HTR4: variants seen among roughly 807,000 people sequenced by gnomAD.
HTR4 encodes 5-hydroxytryptamine receptor 4, also known as 5-hydroxytryptamine (serotonin) receptor 4, G protein-coupled.
HTR4 carries 16 observed loss-of-function variants against 36.8 expected under a neutral mutation model. The ratio of observed to expected loss-of-function variants is 0.43; its 90% CI spans 0.29 to 0.66. The LOEUF (loss-of-function observed/expected upper bound fraction) is 0.66, where lower values mean the gene tolerates loss of function less well. Ranked by LOEUF, HTR4 falls within the 30% of genes least tolerant of loss-of-function variation. The probability of loss-of-function intolerance (pLI) is 0.13; values close to 1 mark genes in which losing one functional copy is unlikely to be tolerated. For synonymous variants in HTR4, 189 were observed against 185.1 expected, an observed-to-expected ratio of 1.02 and a Z score of -0.17; for missense variants, 438 against 490.9, an observed-to-expected ratio of 0.89 and a Z score of 1.02.
intron 2 of HTR4, among the ~76,000 whole-genome samples, chr5:148,614,849 C>T (rs1184374214): frequency 2.0e-5 from 3 of 152,122 alleles, no homozygotes; most frequent in Non-Finnish European, 4.4e-5. Context: ...AAGCAAACAA[C>T]CCCATCAAAA....
chr5:148,507,146 A>T (rs927439393), intron 6 of HTR4, among the ~76,000 whole-genome samples: 17 of 152,000 alleles, frequency 1.1e-4, no homozygotes, highest in African/African-American at 4.1e-4. Flanking sequence ...AATGATAGAC[A>T]GGATTAAGAA....
chr5:148,553,885 C>T (rs528690689), intron 2 of HTR4, among the ~76,000 whole-genome samples: 11 of 152,046 alleles, frequency 7.2e-5, no homozygotes, highest in East Asian at 3.9e-4. Context: ...GGGGTACACC[C>T]GAAAGAATTG....
intron 2 of HTR4, among the ~76,000 whole-genome samples, chr5:148,583,786 C>G (rs1256382203): frequency 6.6e-6 from 1 of 152,098 alleles, no homozygotes; most frequent in South Asian, 2.1e-4. Context: ...CGGGGAGCTC[C>G]TGTTCCCTGG....
intron 5 of HTR4, among the ~76,000 whole-genome samples, chr5:148,513,302 T>G (rs1757583059): frequency 2.0e-5 from 3 of 152,222 alleles, no homozygotes; most frequent in Non-Finnish European, 4.4e-5. Flanking sequence ...TTTTTACATT[T>G]AATGCTTCTA....
At chr5:148,509,155 G>A (rs554682977) in intron 6 of HTR4, among the ~76,000 whole-genome samples, 2 of 152,168 alleles carry the variant, frequency 1.3e-5, no homozygotes, top group Non-Finnish European at 2.9e-5. Context: ...ACTCTGTGAT[G>A]TAGATATAGT....
chr5:148,488,619 A>T (rs1352542541), intron 6 of HTR4, among the ~76,000 whole-genome samples: 2 of 152,234 alleles, frequency 1.3e-5, no homozygotes, highest in East Asian at 3.9e-4. Context: ...TCATGAAAGT[A>T]GCATGCAAGT....
chr5:148,492,360 T>G (rs1268358017), intron 6 of HTR4, among the ~76,000 whole-genome samples: 1 of 152,226 alleles, frequency 6.6e-6, no homozygotes, highest in Non-Finnish European at 1.5e-5. Flanking sequence ...CAGGGTATGA[T>G]GTACCCAGGA....
At chr5:148,487,163 T>C (rs1048540728) in intron 6 of HTR4, among the ~76,000 whole-genome samples, 4 of 152,164 alleles carry the variant, frequency 2.6e-5, no homozygotes, top group African/African-American at 9.7e-5. Context: ...GAGTCTTGTT[T>C]CCATGTTAGA....
At chr5:148,529,529 C>T (rs1015815264) in intron 4 of HTR4, among the ~76,000 whole-genome samples, 2 of 152,220 alleles carry the variant, frequency 1.3e-5, no homozygotes, top group African/African-American at 2.4e-5. Flanking sequence ...GATTGTGAGG[C>T]TTCCCCATCC....
chr5:148,538,372 G>T lies in HTR4; in HGVS notation c.353+10296C>A, dbSNP rs1195140557. 2.0e-5 allele frequency among the ~76,000 whole-genome samples: 3 copies of T among 152,136 alleles called. No homozygotes were observed. The East Asian group carries it at 5.8e-4, about 29-fold the overall frequency. ...CTAATAGTATTGGAAGTCCTAGCCA[G>T]AGCAATCAGGCAAGAGAAAGAAATA... is the stretch of plus-strand genomic sequence containing the variant. On this transcript the variant is annotated intron_variant, in intron 4 of 6. Transcript: ENST00000377888.
intron 2 of HTR4, among the ~76,000 whole-genome samples, chr5:148,624,353 C>G (rs1030829700): frequency 6.6e-6 from 1 of 152,032 alleles, no homozygotes; most frequent in Non-Finnish European, 1.5e-5. Context: ...TTTTCTGCAC[C>G]TCAATATGAA....
intron 2 of HTR4, among the ~76,000 whole-genome samples, chr5:148,603,246 T>C (rs1291800199): frequency 2.6e-5 from 4 of 152,090 alleles, no homozygotes; most frequent in Admixed American, 2.6e-4. Context: ...GTTTAACAAA[T>C]ATAAATCAAT....
intron 5 of HTR4, among the ~76,000 whole-genome samples, chr5:148,459,767 A>G (rs879471179): frequency 6.6e-6 from 1 of 151,964 alleles, no homozygotes; most frequent in Non-Finnish European, 1.5e-5. Context: ...ACAAACAAAC[A>G]AAAAAAACCA....
chr5:148,603,762 C>A (rs1341646258), intron 2 of HTR4, among the ~76,000 whole-genome samples: 1 of 151,554 alleles, frequency 6.6e-6, no homozygotes, highest in South Asian at 2.1e-4. Context: ...GAAAGTGATG[C>A]CATTTATAGA....
intron 5 of HTR4, among the ~76,000 whole-genome samples, chr5:148,469,533 A>C (rs1366266462): frequency 6.6e-6 from 1 of 152,218 alleles, no homozygotes; most frequent in Admixed American, 6.5e-5. Context: ...TGGCAGTCTG[A>C]GTCCTGGCAC....
intron 2 of HTR4, among the ~76,000 whole-genome samples, chr5:148,568,035 TACTA>T (rs1439073982): frequency 2.6e-5 from 4 of 152,160 alleles, no homozygotes; most frequent in Admixed American, 2.0e-4. Flanking sequence ...TATCACCTAC[TACTA>T]CAACATGTGA....
intron 2 of HTR4, among the ~76,000 whole-genome samples, chr5:148,595,079 C>G (rs1761717039): frequency 6.8e-6 from 1 of 147,830 alleles, no homozygotes; most frequent in South Asian, 2.1e-4. Context: ...TCTCTGAAAA[C>G]AGTTTTTTTT....
rs1754124752 is a variant in HTR4 at position 148,654,143 on chromosome 5, G to A, written c.-129C>T. ...GCCGCTGAGCCGAGCTTCTGCTGCC[G>A]CCGCTGCCGCTGCGCTCCCAGCCGC... On this transcript the variant is annotated 5_prime_UTR_variant, in exon 1 of 7. Coordinates refer to ENST00000377888, the MANE Select transcript of HTR4 (RefSeq NM_000870.7). The A allele has an allele frequency of 2.0e-6, 2 of 985,652 alleles. No homozygotes were observed. Among genetic ancestry groups the A allele is most frequent in the African/African-American group, 1.7e-5 (1 of 57,340 alleles). The allele number at this position is 985,652 out of a possible 1,614,324, so 61.1% of individuals were successfully genotyped here.
intron 6 of HTR4, among the ~76,000 whole-genome samples, chr5:148,506,133 G>T (rs1021863102): frequency 3.3e-5 from 5 of 152,104 alleles, no homozygotes; most frequent in African/African-American, 1.2e-4. Context: ...ATACTACAAG[G>T]CTACAGTCAG....
Sources: allele counts gnomAD v4.1 joint callset (sites outside exome capture counted in the v4.1 genomes callset), GRCh38; gene constraint gnomAD v4.1.1; transcripts MANE v1.5; gene names NCBI Gene and HGNC (gene_info 2026-07-23, HGNC 2026-07-21).